DPYD: variants seen among roughly 807,000 people sequenced by gnomAD.
DPYD encodes dihydropyrimidine dehydrogenase [NADP(+)].
Under a neutral mutation model 116.2 loss-of-function variants are expected in DPYD, and 109 were observed. The observed-to-expected ratio is 0.94, with a 90% CI of 0.80 to 1.10. The LOEUF is 1.10. Among genes scored for constraint, DPYD ranks in the 50% least tolerant of loss-of-function variants. The probability of loss-of-function intolerance (pLI) is 0.00; values close to 1 mark genes in which losing one functional copy is unlikely to be tolerated. For missense variants in DPYD, 1,302 were observed against 1,254.5 expected (o/e 1.04, Z -0.57); for synonymous variants, 440 against 432.0 (o/e 1.02, Z -0.23).
At chr1:97,749,515 T>C (rs1664751780) in intron 3 of DPYD, among the ~76,000 whole-genome samples, 1 of 152,160 alleles carries the variant, frequency 6.6e-6, no homozygotes, top group Admixed American at 6.5e-5. Context: ...ATAGAGAATT[T>C]TAAAGAGTTC....
chr1:97,224,063 A>G (rs1660954797), intron 19 of DPYD, among the ~76,000 whole-genome samples: 1 of 152,034 alleles, frequency 6.6e-6, no homozygotes, highest in South Asian at 2.1e-4. Context: ...TCCTTTTCAT[A>G]TTTCTAATTT....
In DPYD at chr1:97,573,959, A is replaced by G. The variant is rs150759598; in HGVS notation, c.1140T>C (p.Ala380=). Residue 380 remains alanine, a synonymous_variant, in exon 11 of 23, where the codon GCT becomes GCC. Coordinates refer to ENST00000370192, the MANE Select transcript of DPYD (RefSeq NM_000110.4). The part of the protein sequence containing the change: ...IRAVPEEMEL[A]KEEKCEFLPF... ...GCAGAAATTCACACTTTTCTTCCTT[A>G]GCAAGTTCCATCTAAAACAAAACAG... 122 of 1,613,362 alleles carry G rather than the reference A, an allele frequency of 7.6e-5. No individual in the cohort carries two copies. The highest frequency in any genetic ancestry group is 8.9e-5 in the Non-Finnish European group (105 of 1,179,562).
intron 14 of DPYD, among the ~76,000 whole-genome samples, chr1:97,444,066 A>G (rs1005295140): frequency 6.6e-6 from 1 of 152,228 alleles, no homozygotes; most frequent in African/African-American, 2.4e-5. Context: ...TTTTCAATAG[A>G]CAGCTACATC....
chr1:97,365,697 A>G (rs995919807), intron 16 of DPYD, among the ~76,000 whole-genome samples: 10 of 152,158 alleles, frequency 6.6e-5, no homozygotes, highest in African/African-American at 2.4e-4. Flanking sequence ...GTGTGATCTC[A>G]GTTCACCGCA....
chr1:97,417,493 AC>A (rs950913330), intron 14 of DPYD, among the ~76,000 whole-genome samples: 8 of 152,168 alleles, frequency 5.3e-5, no homozygotes, highest in Admixed American at 5.2e-4. Context: ...CAAATAACAT[AC>A]TCTAATATAT....
At chr1:97,393,074 A>C (rs1672803609) in intron 14 of DPYD, among the ~76,000 whole-genome samples, 1 of 152,066 alleles carries the variant, frequency 6.6e-6, no homozygotes, top group Admixed American at 6.6e-5. Context: ...TCACTGGAGT[A>C]ACATTTCTAA....
intron 3 of DPYD, among the ~76,000 whole-genome samples, chr1:97,801,036 C>A (rs1407739461): frequency 6.6e-6 from 1 of 151,842 alleles, no homozygotes; most frequent in African/African-American, 2.4e-5. Context: ...CAACCTATTC[C>A]AATTGTTATG....
At chr1:97,795,746 TCAATAAAAA>T (rs1667540347) in intron 3 of DPYD, among the ~76,000 whole-genome samples, 1 of 151,908 alleles carries the variant, frequency 6.6e-6, no homozygotes, top group East Asian at 1.9e-4. Flanking sequence ...ATACATATAC[TCAATAAAAA>T]CAATAAAAAA....
At chr1:97,242,067 G>A (rs1662370952) in intron 18 of DPYD, among the ~76,000 whole-genome samples, 1 of 144,946 alleles carries the variant, frequency 6.9e-6, no homozygotes, top group Admixed American at 7.0e-5. Context: ...GTGTGTATCT[G>A]TGTGAATAAA....
intron 7 of DPYD, among the ~76,000 whole-genome samples, chr1:97,683,423 T>C (rs1023192747): frequency 2.0e-5 from 3 of 151,790 alleles, no homozygotes; most frequent in Admixed American, 2.0e-4. Flanking sequence ...ATATTTCATC[T>C]AAAACTACGA....
At chr1:97,913,479 C>A (rs1188585797) in intron 1 of DPYD, among the ~76,000 whole-genome samples, 1 of 152,104 alleles carries the variant, frequency 6.6e-6, no homozygotes, top group African/African-American at 2.4e-5. Flanking sequence ...ATGATTCCCA[C>A]AAGGTCAGAG....
At chr1:97,654,100 G>A (rs570703709) in intron 8 of DPYD, among the ~76,000 whole-genome samples, 31 of 152,144 alleles carry the variant, frequency 2.0e-4, no homozygotes, top group African/African-American at 5.5e-4. Flanking sequence ...AAAAATTAAC[G>A]AGTTAAGTAA....
intron 18 of DPYD, among the ~76,000 whole-genome samples, chr1:97,300,568 G>A (rs1441036675): frequency 2.0e-5 from 3 of 152,002 alleles, no homozygotes; most frequent in Non-Finnish European, 4.4e-5. Flanking sequence ...TTCAGTTGCT[G>A]GCATGCGTGA....
intron 14 of DPYD, among the ~76,000 whole-genome samples, chr1:97,433,018 T>C (rs941589430): frequency 3.9e-5 from 6 of 151,972 alleles, no homozygotes; most frequent in African/African-American, 1.5e-4. Flanking sequence ...TGCTCGGGAG[T>C]TCTCTCTGCT....
At chr1:97,752,180 C>T (rs1664967649) in intron 3 of DPYD, among the ~76,000 whole-genome samples, 1 of 151,966 alleles carries the variant, frequency 6.6e-6, no homozygotes, top group Non-Finnish European at 1.5e-5. Flanking sequence ...TTGTCTTCCT[C>T]TTAGAACTGT....
chr1:97,629,243 C>G (rs1657113259), intron 8 of DPYD, among the ~76,000 whole-genome samples: 1 of 152,028 alleles, frequency 6.6e-6, no homozygotes, highest in South Asian at 2.1e-4. Flanking sequence ...AGCTTGGGTT[C>G]TTCCAGAAGC....
intron 14 of DPYD, among the ~76,000 whole-genome samples, chr1:97,416,617 C>T (rs1382830181): frequency 6.6e-6 from 1 of 152,128 alleles, no homozygotes; most frequent in East Asian, 1.9e-4. Context: ...CAGCAGTTGG[C>T]ATTGCCTGTG....
intron 3 of DPYD, among the ~76,000 whole-genome samples, chr1:97,752,120 T>C (rs1386589954): frequency 2.0e-5 from 3 of 152,022 alleles, no homozygotes; most frequent in Admixed American, 6.6e-5. Flanking sequence ...TGATTGCCAT[T>C]ATTATAGAGG....
At chr1:97,726,924 G>A (rs879835100) in intron 4 of DPYD, among the ~76,000 whole-genome samples, 1 of 151,672 alleles carries the variant, frequency 6.6e-6, no homozygotes, top group Admixed American at 6.6e-5. Context: ...GTCAAACTAT[G>A]AGTGTCTGAT....
Sources: gnomAD v4.1 joint callset for allele counts (sites outside exome capture counted in the v4.1 genomes callset) on GRCh38, gnomAD v4.1.1 for gene constraint, MANE v1.5 for transcripts, NCBI Gene and HGNC (gene_info 2026-07-23, HGNC 2026-07-21) for gene names.